Variants in FER1L6 observed in about 807,000 individuals in gnomAD.
FER1L6 encodes fer-1-like protein 6.
Under a neutral mutation model 219.2 loss-of-function variants are expected in FER1L6, and 177 were observed. That is an observed-to-expected ratio of 0.81 (90% CI 0.71 to 0.91). FER1L6 has a LOEUF of 0.91. Among genes scored for constraint, FER1L6 ranks in the 40% least tolerant of loss-of-function variants. The pLI, the probability that FER1L6 is intolerant of heterozygous loss-of-function variation, is 0.00. For synonymous variants in FER1L6, 768 were observed against 824.3 expected (o/e 0.93, Z 1.17); for missense variants, 2,153 against 2,259.9 (o/e 0.95, Z 0.96).
chr8:123,975,145 C>CACCCTGCA lies in FER1L6; in HGVS notation c.527-3_527-2insCCTGCAAC. ...AGGATGTGAGCTGTCAGGGTGCTTT[C>CACCCTGCA]ACAGGTCATCAGTTCTGCAACAAGT... On this transcript the variant is annotated splice_region_variant and splice_polypyrimidine_tract_variant and intron_variant, in intron 7 of 40. Transcript: ENST00000522917. 3 of 1,585,538 alleles carry CACCCTGCA rather than the reference C, an allele frequency of 1.9e-6. No homozygotes were observed. The highest frequency in any genetic ancestry group is 2.6e-6 in the Non-Finnish European group (3 of 1,163,612).
chr8:123,988,472 T>C (rs1816699985), intron 12 of FER1L6, among the ~76,000 whole-genome samples: 1 of 152,202 alleles, frequency 6.6e-6, no homozygotes, highest in Non-Finnish European at 1.5e-5. Context: ...AATATGTCTC[T>C]CTTTTTTTGT....
chr8:123,855,949 AG>A (rs200770362), intron 1 of FER1L6, among the ~76,000 whole-genome samples: 10 of 140,030 alleles, frequency 7.1e-5, no homozygotes, highest in African/African-American at 2.7e-4. Context: ...TAACTAATGT[AG>A]TATATATATT....
intron 1 of FER1L6, among the ~76,000 whole-genome samples, chr8:123,880,291 G>A (rs1817086294): frequency 6.6e-6 from 1 of 152,088 alleles, no homozygotes; most frequent in African/African-American, 2.4e-5. Context: ...AACTCCCACT[G>A]TATTTAACGC....
chr8:123,985,341 G>A (rs1816520987), intron 11 of FER1L6: 1 of 152,222 alleles, frequency 6.6e-6, no homozygotes, highest in South Asian at 2.1e-4. Context: ...CACATTGCAT[G>A]TAGCCCACCC....
At chr8:124,114,167 A>G (rs1394543887) in intron 39 of FER1L6, among the ~76,000 whole-genome samples, 1 of 152,084 alleles carries the variant, frequency 6.6e-6, no homozygotes, top group African/African-American at 2.4e-5. Context: ...GTTGGCATTT[A>G]TCTGTTAAAA....
At chr8:123,880,472 C>T (rs1817089606) in intron 1 of FER1L6, among the ~76,000 whole-genome samples, 1 of 152,194 alleles carries the variant, frequency 6.6e-6, no homozygotes, top group African/African-American at 2.4e-5. Context: ...GCTGATCTCC[C>T]AGTTTTGCAG....
chr8:123,960,229 G>A (rs1332238573), intron 2 of FER1L6, among the ~76,000 whole-genome samples: 2 of 152,172 alleles, frequency 1.3e-5, no homozygotes, highest in African/African-American at 4.8e-5. Flanking sequence ...TTGGATTCAG[G>A]TCTTTGAGCT....
At chr8:124,014,129 TCA>T (rs906580982) in intron 15 of FER1L6, among the ~76,000 whole-genome samples, 20 of 152,142 alleles carry the variant, frequency 1.3e-4, no homozygotes, top group African/African-American at 4.6e-4. Flanking sequence ...CAGGGGAGAA[TCA>T]CAGAGTGATT....
chr8:123,864,861 G>T (rs28871898), intron 1 of FER1L6, among the ~76,000 whole-genome samples: 34,155 of 149,522 alleles, frequency 0.23, 5,912 homozygotes, highest in African/African-American at 0.46. Context: ...TCTGTATTGG[G>T]TATTCTAGTT....
intron 14 of FER1L6, among the ~76,000 whole-genome samples, chr8:124,011,343 A>G (rs1023413688): frequency 1.3e-5 from 2 of 152,046 alleles, no homozygotes; most frequent in Non-Finnish European, 2.9e-5. Flanking sequence ...ATCTTCTTAC[A>G]TAACACCCTG....
chr8:123,880,357 G>A (rs570395179), intron 1 of FER1L6, among the ~76,000 whole-genome samples: 4 of 152,144 alleles, frequency 2.6e-5, no homozygotes, highest in African/African-American at 4.8e-5. Flanking sequence ...TTATCGCAGC[G>A]CCTTGTTTAT....
chr8:123,878,997 T>C (rs1355304342), intron 1 of FER1L6, among the ~76,000 whole-genome samples: 1 of 152,178 alleles, frequency 6.6e-6, no homozygotes, highest in Non-Finnish European at 1.5e-5. Flanking sequence ...AAGGATACAG[T>C]AGAACCAAAA....
chr8:124,120,049 A>G lies in FER1L6; in HGVS notation c.*259A>G, dbSNP rs961127914. Reference sequence around the variant, plus strand: ...CCTCATGGTAATCAACAATGACCTCAAATTGACTTAGATCAATGTTTTCTT... The same window carrying G: ...CCTCATGGTAATCAACAATGACCTCGAATTGACTTAGATCAATGTTTTCTT... On this transcript the variant is annotated 3_prime_UTR_variant, in exon 41 of 41. Transcript: ENST00000522917. The G allele has an allele frequency of 2.4e-5, 9 of 368,496 alleles. No homozygotes were observed. The Admixed American group carries it at 4.0e-4, about 16-fold the overall frequency. 22.8% of individuals were successfully genotyped at this position (368,496 alleles called of 1,614,324 possible). A position where few individuals can be genotyped will look rare whatever the true frequency, so the allele number is the denominator to read the frequency against.
chr8:124,046,062 C>A, intron 21 of FER1L6, 161 bp downstream of exon 21: 1 of 681,766 alleles, frequency 1.5e-6, no homozygotes, highest in East Asian at 2.8e-5. Context: ...GTTCACAGAA[C>A]CAAAAAGATT....
chr8:124,104,268 C>G (rs1822669840), intron 39 of FER1L6, among the ~76,000 whole-genome samples: 1 of 152,176 alleles, frequency 6.6e-6, no homozygotes, highest in African/African-American at 2.4e-5. Context: ...AGCCTCTGGG[C>G]TTGGTTATGG....
chr8:124,031,970 C>G (rs1818987641), intron 18 of FER1L6, among the ~76,000 whole-genome samples: 1 of 152,208 alleles, frequency 6.6e-6, no homozygotes, highest in Non-Finnish European at 1.5e-5. Flanking sequence ...TTTAAATGTA[C>G]AAGTTGCTAA....
intron 1 of FER1L6, among the ~76,000 whole-genome samples, chr8:123,936,499 G>GC (rs1814016061): frequency 8.9e-6 from 1 of 111,856 alleles, no homozygotes; most frequent in African/African-American, 3.6e-5. Flanking sequence ...AAACAGTGCT[G>GC]AATTTTCTAA....
intron 39 of FER1L6, among the ~76,000 whole-genome samples, chr8:124,104,564 A>G (rs1822685878): frequency 6.6e-6 from 1 of 152,254 alleles, no homozygotes; most frequent in Non-Finnish European, 1.5e-5. Context: ...TGAGTACAGT[A>G]TGGAGGCATA....
intron 31 of FER1L6, among the ~76,000 whole-genome samples, chr8:124,072,568 A>G (rs1419859971): frequency 6.6e-6 from 1 of 152,230 alleles, no homozygotes; most frequent in African/African-American, 2.4e-5. Flanking sequence ...AATGTAACAC[A>G]AAATAAAAAT....
Sources: allele counts gnomAD v4.1 joint callset (sites outside exome capture counted in the v4.1 genomes callset), GRCh38; gene constraint gnomAD v4.1.1; transcripts MANE v1.5; gene names NCBI Gene and HGNC (gene_info 2026-07-23, HGNC 2026-07-21).